Variants in SERTM1 observed in about 807,000 individuals in gnomAD.
SERTM1 encodes the protein serine rich and transmembrane domain containing 1, also known as serine-rich and transmembrane domain-containing protein 1.
Under a neutral mutation model 5.5 loss-of-function variants are expected in SERTM1, and 1 was observed. The ratio of observed to expected loss-of-function variants is 0.18; its 90% CI spans 0.06 to 0.86. The LOEUF (loss-of-function observed/expected upper bound fraction) is 0.86. Ranked by LOEUF, SERTM1 falls within the 40% of genes least tolerant of loss-of-function variation. The pLI is 0.69. For missense variants in SERTM1, 91 were observed against 122.4 expected, an observed-to-expected ratio of 0.74 and a Z score of 1.21; for synonymous variants, 52 against 55.1, an observed-to-expected ratio of 0.94 and a Z score of 0.25.
In SERTM1 at chr13:36,695,259, A is replaced by T; in HGVS notation, c.181A>T (p.Ile61Phe). The change falls in exon 2 of 2, where the codon ATT (isoleucine) becomes TTT (phenylalanine). Residue 61 changes from isoleucine (I) to phenylalanine (F), a missense_variant. Coordinates refer to ENST00000315190, the MANE Select transcript of SERTM1 (RefSeq NM_203451.3). ...LLAFLLLLLI[I>F]ALQRLKNIIS... ...AGCGTTTCTGCTTCTGCTTTTAATC[A>T]TTGCCCTCCAGAGGCTCAAAAATAT... The T allele has an allele frequency of 4.3e-6, 7 of 1,614,078 alleles. No individual in the cohort carries two copies. Among genetic ancestry groups the T allele is most frequent in the Non-Finnish European group, 5.9e-6 (7 of 1,180,010 alleles).
intron 1 of SERTM1, among the ~76,000 whole-genome samples, chr13:36,681,197 G>A (rs1474996515): frequency 3.9e-5 from 6 of 152,292 alleles, no homozygotes; most frequent in South Asian, 2.1e-4. Flanking sequence ...TACAGAACTC[G>A]TGCCAGAATA....
chr13:36,680,512 G>GCC (rs2138085614), intron 1 of SERTM1, among the ~76,000 whole-genome samples: 1 of 152,282 alleles, frequency 6.6e-6, no homozygotes, highest in African/African-American at 2.4e-5. Flanking sequence ...GGGGTGCTAG[G>GCC]CCCTCAATTT....
intron 1 of SERTM1, among the ~76,000 whole-genome samples, chr13:36,693,880 A>G (rs2056795294): frequency 1.4e-5 from 2 of 148,066 alleles, no homozygotes; most frequent in Non-Finnish European, 2.9e-5. Context: ...AGAAAGACTT[A>G]TCTATCAGGA....
In SERTM1 at chr13:36,697,293, A is replaced by T. The variant is rs1409967531; in HGVS notation, c.*1891A>T. ...TATGTATATATACATATATATACGC[A>T]CACACACACACACACATAAATATAT... On this transcript the variant is annotated 3_prime_UTR_variant, in exon 2 of 2. Coordinates refer to ENST00000315190, the MANE Select transcript of SERTM1 (RefSeq NM_203451.3). 2.1e-4 allele frequency: 1 copy of T among 4,862 alleles called. No homozygotes were observed. Among genetic ancestry groups the T allele is most frequent in the Non-Finnish European group, 5.4e-4 (1 of 1,840 alleles). 0.3% of individuals were successfully genotyped at this position (4,862 alleles called of 1,614,324 possible). A position where few individuals can be genotyped will look rare whatever the true frequency, so the allele number is the denominator to read the frequency against.
intron 1 of SERTM1, among the ~76,000 whole-genome samples, chr13:36,675,439 A>T (rs2056663842): frequency 6.6e-6 from 1 of 152,184 alleles, no homozygotes; most frequent in Non-Finnish European, 1.5e-5. Flanking sequence ...TGTCAACAGG[A>T]AAAGAGGCAC....
chr13:36,677,480 T>G (rs1342197681), intron 1 of SERTM1, among the ~76,000 whole-genome samples: 1 of 152,236 alleles, frequency 6.6e-6, no homozygotes, highest in Non-Finnish European at 1.5e-5. Flanking sequence ...GATGTTGATA[T>G]TGTTAATCTG....
Position 36,697,774 on chromosome 13 carries a change from G to C in SERTM1, c.*2372G>C, listed in dbSNP as rs1025923424. 6.0e-6 allele frequency: 1 copy of C among 167,024 alleles called. No individual in the cohort carries two copies. Among genetic ancestry groups the C allele is most frequent in the South Asian group, 2.1e-4 (1 of 4,822 alleles). The allele number at this position is 167,024 out of a possible 1,614,324, so 10.3% of individuals were successfully genotyped here. A position where few individuals can be genotyped will look rare whatever the true frequency, so the allele number is the denominator to read the frequency against. On this transcript the variant is annotated 3_prime_UTR_variant, in exon 2 of 2. Transcript: ENST00000315190. ...ATTGTACAACTTGAGATGAATTCATGTTGTTTAAGAAGTTCAGAAAGGTTG... is the reference window on the plus strand; with the variant it reads ...ATTGTACAACTTGAGATGAATTCATCTTGTTTAAGAAGTTCAGAAAGGTTG...
At position 36,674,190 on chromosome 13, in the gene SERTM1, T is replaced by A. The variant is rs543760546; in HGVS notation, c.-174+6T>A. ...TCGCGTGTCCTGACCTGCAGGTCAGTGAGGGAAACTTGCAGGGTCCCGAGC... is the reference window on the plus strand; with the variant it reads ...TCGCGTGTCCTGACCTGCAGGTCAGAGAGGGAAACTTGCAGGGTCCCGAGC... On this transcript the variant is annotated splice_donor_region_variant and intron_variant, in intron 1 of 1. Coordinates refer to ENST00000315190, the MANE Select transcript of SERTM1 (RefSeq NM_203451.3). 1 of 152,054 alleles carries A rather than the reference T, an allele frequency of 6.6e-6. No homozygotes were observed. Among genetic ancestry groups the A allele is most frequent in the South Asian group, 2.1e-4 (1 of 4,820 alleles). The allele number at this position is 152,054 out of a possible 1,614,324, so 9.4% of individuals were successfully genotyped here.
At chr13:36,689,364 G>A (rs2138095029) in intron 1 of SERTM1, among the ~76,000 whole-genome samples, 1 of 151,992 alleles carries the variant, frequency 6.6e-6, no homozygotes, top group South Asian at 2.1e-4. Flanking sequence ...AATTAGCGGG[G>A]CATGGTGGCA....
chr13:36,690,242 C>T (rs9547645), intron 1 of SERTM1, among the ~76,000 whole-genome samples: 20,825 of 152,060 alleles, frequency 0.14, 1,551 homozygotes, highest in East Asian at 0.31. Context: ...ATTTCCTTAA[C>T]GTGGCTTTGG....
At chr13:36,688,201 T>C (rs1012545452) in intron 1 of SERTM1, among the ~76,000 whole-genome samples, 5 of 151,912 alleles carry the variant, frequency 3.3e-5, no homozygotes, top group African/African-American at 1.2e-4. Context: ...TTTATGAGAA[T>C]TCTATTTTAT....
intron 1 of SERTM1, among the ~76,000 whole-genome samples, chr13:36,686,228 T>A (rs978414394): frequency 6.6e-6 from 1 of 152,198 alleles, no homozygotes; most frequent in African/African-American, 2.4e-5. Flanking sequence ...CCTCTGATGC[T>A]TCACTGCAAG....
intron 1 of SERTM1, among the ~76,000 whole-genome samples, chr13:36,676,018 TGTTA>T (rs1293587683): frequency 6.6e-6 from 1 of 152,220 alleles, no homozygotes; most frequent in African/African-American, 2.4e-5. Context: ...TCTCCCTTGC[TGTTA>T]GTTCGTTCAG....
rs1335029115 is a variant in SERTM1, at chr13:36,696,562, C to T, written c.*1160C>T. ...TGTAGCTGCTGGGAGCTTTAGGGAT[C>T]CTAGGAGCTGCCGTGCTGCAGGCAG... On this transcript the variant is annotated 3_prime_UTR_variant, in exon 2 of 2. Coordinates refer to ENST00000315190, the MANE Select transcript of SERTM1 (RefSeq NM_203451.3). 6.0e-6 allele frequency: 1 copy of T among 166,866 alleles called. No individual in the cohort carries two copies. Among genetic ancestry groups the T allele is most frequent in the East Asian group, 1.9e-4 (1 of 5,182 alleles). 10.3% of individuals were successfully genotyped at this position (166,866 alleles called of 1,614,324 possible).
At chr13:36,678,676 A>T (rs2056684229) in intron 1 of SERTM1, among the ~76,000 whole-genome samples, 1 of 116,812 alleles carries the variant, frequency 8.6e-6, no homozygotes, top group Non-Finnish European at 1.9e-5. Context: ...AATAAAATAA[A>T]ATTTATATAT....
At chr13:36,679,587 T>C (rs1377429502) in intron 1 of SERTM1, among the ~76,000 whole-genome samples, 1 of 152,040 alleles carries the variant, frequency 6.6e-6, no homozygotes, top group Non-Finnish European at 1.5e-5. Flanking sequence ...TTTGTATTTT[T>C]AGTAGAGATG....
chr13:36,674,880 G>T (rs962335652), intron 1 of SERTM1, among the ~76,000 whole-genome samples: 1 of 152,108 alleles, frequency 6.6e-6, no homozygotes, highest in Non-Finnish European at 1.5e-5. Flanking sequence ...AGGTAACTGC[G>T]CCAGCGACCC....
chr13:36,695,680 C>T lies in SERTM1; in HGVS notation c.*278C>T, dbSNP rs1234948295. On this transcript the variant is annotated 3_prime_UTR_variant, in exon 2 of 2. Coordinates refer to ENST00000315190, the MANE Select transcript of SERTM1 (RefSeq NM_203451.3). ...TCTTCAGGTAAGTCAGTTCATTCTA[C>T]TTTGTTGGACGCCGTAGGCTCATCT... is the stretch of plus-strand genomic sequence containing the variant. 23 of 483,124 alleles carry T rather than the reference C, an allele frequency of 4.8e-5. No homozygotes were observed. 29.9% of individuals were successfully genotyped at this position (483,124 alleles called of 1,614,324 possible).
chr13:36,694,779 G>A (rs1315803311), intron 1 of SERTM1, 127 bp from the exon 2 acceptor site: 8 of 381,024 alleles, frequency 2.1e-5, no homozygotes, highest in Admixed American at 4.2e-5. Context: ...CTGATTCCTA[G>A]GGGAGTTATA....
Sources: gnomAD v4.1 joint callset for allele counts (sites outside exome capture counted in the v4.1 genomes callset) on GRCh38, gnomAD v4.1.1 for gene constraint, MANE v1.5 for transcripts, NCBI Gene and HGNC (gene_info 2026-07-23, HGNC 2026-07-21) for gene names.